C2CD5: variants seen among roughly 807,000 people sequenced by gnomAD.
The protein encoded by C2CD5 is C2 calcium dependent domain containing 5.
C2CD5 carries 109 observed loss-of-function variants against 130.3 expected under a neutral mutation model. The observed-to-expected ratio is 0.84, with a 90% CI of 0.72 to 0.98. The LOEUF (loss-of-function observed/expected upper bound fraction) is 0.98. C2CD5 is among the 50% of genes least tolerant of loss of function. The pLI is 0.00. For missense variants in C2CD5, 996 were observed against 1,261.8 expected, an observed-to-expected ratio of 0.79 and a Z score of 3.19; for synonymous variants, 454 against 429.2, an observed-to-expected ratio of 1.06 and a Z score of -0.71.
At chr12:22,502,066 T>C (rs1947871815) in intron 10 of C2CD5, among the ~76,000 whole-genome samples, 1 of 152,102 alleles carries the variant, frequency 6.6e-6, no homozygotes, top group South Asian at 2.1e-4. Context: ...TTAATTACTT[T>C]TGACTCTAAA....
At chr12:22,543,988 G>A in intron 2 of C2CD5, 73 bp downstream of exon 2, 4 of 1,149,610 alleles carry the variant, frequency 3.5e-6, no homozygotes, top group Non-Finnish European at 5.2e-6. Flanking sequence ...CTGAGGGGCT[G>A]GGGGCGAGGT....
intron 4 of C2CD5, among the ~76,000 whole-genome samples, chr12:22,526,504 A>C (rs1290352797): frequency 6.6e-6 from 1 of 152,236 alleles, no homozygotes; most frequent in Non-Finnish European, 1.5e-5. Flanking sequence ...ATATATTCTT[A>C]ACAATGCAAG....
chr12:22,537,177 T>C (rs1951897321), intron 2 of C2CD5, among the ~76,000 whole-genome samples: 1 of 152,188 alleles, frequency 6.6e-6, no homozygotes. Flanking sequence ...CTTTTTGTTG[T>C]TGTGCAACTG....
intron 12 of C2CD5, among the ~76,000 whole-genome samples, chr12:22,488,541 G>T (rs1200030949): frequency 6.6e-6 from 1 of 151,798 alleles, no homozygotes; most frequent in Non-Finnish European, 1.5e-5. Context: ...CAAGCTACAT[G>T]AAAAAGGTCA....
intron 25 of C2CD5, among the ~76,000 whole-genome samples, chr12:22,454,275 C>T (rs144365528): frequency 2.1e-3 from 323 of 152,110 alleles, no homozygotes; most frequent in Non-Finnish European, 3.8e-3. Context: ...AACTGAAGCC[C>T]GGAGAATTTG....
intron 8 of C2CD5, among the ~76,000 whole-genome samples, chr12:22,516,173 G>C (rs1489538596): frequency 3.3e-5 from 5 of 151,718 alleles, no homozygotes; most frequent in Non-Finnish European, 7.4e-5. Flanking sequence ...TTCTGATATA[G>C]GTAAATCAGA....
In C2CD5 at chr12:22,482,715, C is replaced by T. The variant is rs370888151; in HGVS notation, c.1579G>A (p.Ala527Thr). 8.2e-5 allele frequency: 132 copies of T among 1,613,400 alleles called. No homozygotes were observed. The highest frequency in any genetic ancestry group is 1.6e-4 in the Middle Eastern group (1 of 6,076). ...CTGATAGCTGTAGCATTTGCTTCTGCCTGTGCTTTCTTTTTTAAGCGACAT... is the reference window on the plus strand; with the variant it reads ...CTGATAGCTGTAGCATTTGCTTCTGTCTGTGCTTTCTTTTTTAAGCGACAT... ...RLCRLKKKAQ[A>T]EANATAISNL... The change falls in exon 14 of 27, where the codon GCA becomes ACA. Residue 527 changes from alanine to threonine, a missense_variant. Ala to Thr is a moderately conservative substitution (Grantham distance 58). This residue lies in a region of C2CD5 where 590 missense variants were observed against 631.4 expected (regional missense o/e 0.93). Coordinates refer to ENST00000446597, the MANE Select transcript of C2CD5 (RefSeq NM_001286176.2).
At chr12:22,475,004 TCA>T (rs1223801584) in intron 15 of C2CD5, 113 bp from the exon 16 acceptor site, 1 of 611,864 alleles carries the variant, frequency 1.6e-6, no homozygotes, top group East Asian at 3.2e-5. Context: ...TAAAATATAC[TCA>T]GTGAAGTCCG....
In C2CD5 at chr12:22,544,220, C is replaced by T. The variant is rs555837518; in HGVS notation, c.-29-41G>A. The T allele has an allele frequency of 5.9e-6, 9 of 1,523,936 alleles. No homozygotes were observed. In the East Asian group the frequency reaches 1.6e-4, roughly 28 times the overall value. The allele number at this position is 1,523,936 out of a possible 1,614,324, so 94.4% of individuals were successfully genotyped here. A position where few individuals can be genotyped will look rare whatever the true frequency, so the allele number is the denominator to read the frequency against. On this transcript the variant is annotated intron_variant, in intron 1 of 26. Transcript: ENST00000446597. Reference sequence around the variant, plus strand: ...AACGAGTCTGCGCCGAGCGCGGGGCCGGCGGGAGAGGGGCGGAGGCGCGCG... The same window carrying T: ...AACGAGTCTGCGCCGAGCGCGGGGCTGGCGGGAGAGGGGCGGAGGCGCGCG...
At chr12:22,460,443 AGT>A (rs1349967670) in intron 22 of C2CD5, 2 of 152,154 alleles carry the variant, frequency 1.3e-5, no homozygotes, top group African/African-American at 4.8e-5. Flanking sequence ...ATTTCTACTT[AGT>A]GTGTTGATTT....
At chr12:22,464,292 C>T (rs886067866) in intron 22 of C2CD5, among the ~76,000 whole-genome samples, 3 of 152,206 alleles carry the variant, frequency 2.0e-5, no homozygotes, top group African/African-American at 7.2e-5. Flanking sequence ...GTACGACATT[C>T]TAAACCACTT....
intron 8 of C2CD5, chr12:22,515,194 G>C (rs1046685026): frequency 1.5e-5 from 13 of 893,464 alleles, no homozygotes; most frequent in Non-Finnish European, 1.7e-5. Context: ...TTCAGAAGAT[G>C]ATCAGAAAAT....
rs754660559 is a variant in C2CD5, at chr12:22,449,707, A to G, written c.*53T>C. ...GTCTAAGAAGATAATTAATGACAAA[A>G]TAACAGAGATTGATGAATTTCATTT... On this transcript the variant is annotated 3_prime_UTR_variant, in exon 27 of 27. Coordinates refer to ENST00000446597, the MANE Select transcript of C2CD5 (RefSeq NM_001286176.2). The G allele has an allele frequency of 2.6e-5, 39 of 1,488,680 alleles. No homozygotes were observed. Among genetic ancestry groups the G allele is most frequent in the Non-Finnish European group, 3.6e-5 (39 of 1,081,136 alleles). 92.2% of individuals were successfully genotyped at this position (1,488,680 alleles called of 1,614,324 possible).
chr12:22,480,327 T>A (rs1047209487), intron 14 of C2CD5, among the ~76,000 whole-genome samples: 4 of 152,122 alleles, frequency 2.6e-5, no homozygotes, highest in Non-Finnish European at 4.4e-5. Context: ...GAAGATAATA[T>A]CACATTCCTT....
At chr12:22,452,413 T>G (rs985640713) in intron 26 of C2CD5, among the ~76,000 whole-genome samples, 2 of 152,182 alleles carry the variant, frequency 1.3e-5, no homozygotes, top group East Asian at 3.9e-4. Flanking sequence ...CTTCTCCCCA[T>G]GTACCCCTTT....
intron 26 of C2CD5, among the ~76,000 whole-genome samples, chr12:22,453,207 G>A (rs1338131922): frequency 2.0e-5 from 3 of 152,036 alleles, no homozygotes; most frequent in African/African-American, 7.2e-5. Flanking sequence ...GGAGTCACTT[G>A]GGTCAGAAAC....
chr12:22,532,345 G>A (rs1368782909), intron 3 of C2CD5, among the ~76,000 whole-genome samples: 1 of 144,262 alleles, frequency 6.9e-6, no homozygotes, highest in Non-Finnish European at 1.5e-5. Flanking sequence ...AAAAAAAAAA[G>A]TTTACATATA....
chr12:22,490,737 ACAT>A (rs1235589364), intron 11 of C2CD5, among the ~76,000 whole-genome samples: 1 of 152,132 alleles, frequency 6.6e-6, no homozygotes, highest in Non-Finnish European at 1.5e-5. Flanking sequence ...AGCTTAAACT[ACAT>A]CATCATATAA....
At chr12:22,528,767 T>C (rs915559692) in intron 3 of C2CD5, among the ~76,000 whole-genome samples, 1 of 152,226 alleles carries the variant, frequency 6.6e-6, no homozygotes, top group African/African-American at 2.4e-5. Context: ...TTCTTACATA[T>C]GCTTTGGTCA....
Sources: allele counts gnomAD v4.1 joint callset (sites outside exome capture counted in the v4.1 genomes callset), GRCh38; gene constraint gnomAD v4.1.1; regional missense constraint gnomAD v4.1.1; transcripts MANE v1.5; gene names NCBI Gene and HGNC (gene_info 2026-07-23, HGNC 2026-07-21).